Variants in PIGN observed in about 807,000 individuals in gnomAD.
The protein encoded by PIGN is phosphatidylinositol glycan anchor biosynthesis class N.
In PIGN, 117 loss-of-function variants were observed where a neutral mutation model predicts 125.4. That is an observed-to-expected ratio of 0.93 (90% CI 0.80 to 1.09). The LOEUF is 1.09. Ranked by LOEUF, PIGN falls within the 50% of genes least tolerant of loss-of-function variation. PIGN has a pLI of 0.00. For synonymous variants in PIGN, 392 were observed against 377.8 expected (o/e 1.04, Z -0.44); for missense variants, 1,075 against 1,094.9 (o/e 0.98, Z 0.26).
intron 23 of PIGN, among the ~76,000 whole-genome samples, chr18:62,026,023 G>A (rs1471943499): frequency 6.6e-6 from 1 of 152,112 alleles, no homozygotes; most frequent in African/African-American, 2.4e-5. Flanking sequence ...GCACCTTGTC[G>A]GAAGTTATTG....
In PIGN at chr18:62,158,077, T is replaced by C. The variant is rs545545197; in HGVS notation, c.222-269A>G. 127 of 303,426 alleles carry C rather than the reference T, an allele frequency of 4.2e-4. 1 individual carries two copies. In the South Asian group the frequency reaches 6.3e-3, roughly 15 times the overall value. The allele number at this position is 303,426 out of a possible 1,614,324, so 18.8% of individuals were successfully genotyped here. On this transcript the variant is annotated intron_variant, in intron 4 of 30. Coordinates refer to ENST00000640252, the MANE Select transcript of PIGN (RefSeq NM_176787.5). ...CATGAAACAAAATACATGATTGTTG[T>C]TTTAAGCCACAAAACAGAGATGGTT...
intron 25 of PIGN, among the ~76,000 whole-genome samples, chr18:62,086,055 T>C (rs994560517): frequency 2.0e-5 from 3 of 152,154 alleles, no homozygotes; most frequent in African/African-American, 7.2e-5. Flanking sequence ...CAACGAATCA[T>C]CTAAGCAACC....
intron 1 of PIGN, chr18:62,174,404 A>C (rs1407797177): frequency 6.6e-6 from 1 of 152,096 alleles, no homozygotes; most frequent in African/African-American, 2.4e-5. Flanking sequence ...CTGACCCATT[A>C]ATAGCTCCTT....
exon 24 of PIGN, chr18:62,017,715 C>T (rs2029998292): frequency 6.6e-6 from 1 of 151,842 alleles, no homozygotes; most frequent in Non-Finnish European, 1.5e-5. Flanking sequence ...CCAGGCAGTG[C>T]TTCTGCAGTC....
intron 21 of PIGN, 137 bp downstream of exon 21, chr18:62,102,657 A>G: frequency 2.0e-6 from 1 of 499,296 alleles, no homozygotes; most frequent in Non-Finnish European, 3.5e-6. Context: ...AGCATCTTAA[A>G]TGAAAGCTTT....
intron 14 of PIGN, among the ~76,000 whole-genome samples, chr18:62,130,924 T>C (rs1466817026): frequency 2.6e-5 from 4 of 152,188 alleles, no homozygotes; most frequent in African/African-American, 9.6e-5. Flanking sequence ...ACCAATGATA[T>C]AGAATCGTAT....
intron 14 of PIGN, 113 bp from the exon 15 acceptor site, chr18:62,114,752 A>G (rs1445801444): frequency 1.6e-5 from 8 of 502,814 alleles, no homozygotes; most frequent in African/African-American, 1.2e-4. Flanking sequence ...CAGCAAACAA[A>G]ACAAAAATCA....
At chr18:62,117,328 G>T (rs2035124429) in intron 14 of PIGN, among the ~76,000 whole-genome samples, 1 of 152,036 alleles carries the variant, frequency 6.6e-6, no homozygotes, top group Non-Finnish European at 1.5e-5. Flanking sequence ...AATATGTTCA[G>T]ATTTATGTAA....
intron 11 of PIGN, among the ~76,000 whole-genome samples, chr18:62,141,651 C>A (rs1377734695): frequency 2.0e-5 from 3 of 152,202 alleles, no homozygotes; most frequent in African/African-American, 4.8e-5. Flanking sequence ...AATCCACTGT[C>A]GGCCACCTCT....
intron 30 of PIGN, among the ~76,000 whole-genome samples, chr18:62,061,580 C>T (rs1168885181): frequency 6.6e-6 from 1 of 150,896 alleles, no homozygotes; most frequent in Non-Finnish European, 1.5e-5. Context: ...ATTCCATTCC[C>T]GTGAATAAAA....
chr18:62,135,526 C>T (rs147888433), intron 14 of PIGN: 2 of 151,498 alleles, frequency 1.3e-5, no homozygotes, highest in Admixed American at 6.6e-5. Flanking sequence ...TACCATGCCA[C>T]GTGGAAAAAG....
At chr18:62,062,546 G>T (rs979379142) in intron 30 of PIGN, among the ~76,000 whole-genome samples, 8 of 151,840 alleles carry the variant, frequency 5.3e-5, no homozygotes, top group Non-Finnish European at 7.4e-5. Flanking sequence ...TTGTATAGAT[G>T]GGGGTGTAAT....
intron 29 of PIGN, among the ~76,000 whole-genome samples, chr18:62,072,993 T>TA (rs971800871): frequency 7.9e-5 from 12 of 151,814 alleles, no homozygotes; most frequent in African/African-American, 9.7e-5. Flanking sequence ...CCAACATCAA[T>TA]AAAAAAAACT....
At chr18:62,084,495 A>G in intron 27 of PIGN, 36 bp downstream of exon 27, 1 of 1,278,742 alleles carries the variant, frequency 7.8e-7, no homozygotes, top group Non-Finnish European at 1.1e-6. Context: ...TAATCAATCA[A>G]TAGCTTAAGA....
At chr18:62,168,832 C>G (rs1250007964) in intron 1 of PIGN, among the ~76,000 whole-genome samples, 1 of 151,494 alleles carries the variant, frequency 6.6e-6, no homozygotes, top group East Asian at 1.9e-4. Flanking sequence ...CAACATTACC[C>G]CATTTCCTAG....
chr18:62,069,423 T>C (rs1403740622), intron 30 of PIGN: 2 of 152,128 alleles, frequency 1.3e-5, no homozygotes, highest in Non-Finnish European at 2.9e-5. Flanking sequence ...TAAACAAAGG[T>C]GGAAACAACT....
chr18:62,055,925 T>C (rs1472726032), intron 30 of PIGN, among the ~76,000 whole-genome samples: 3 of 151,228 alleles, frequency 2.0e-5, no homozygotes, highest in African/African-American at 7.3e-5. Context: ...TCAATATTTG[T>C]TAAATGAATT....
In PIGN at chr18:62,085,125, A is replaced by C. The variant is rs569864259; in HGVS notation, c.2426+84T>G. On this transcript the variant is annotated intron_variant, in intron 26 of 30. Transcript: ENST00000640252. ...TTGGTCTCAAAAAGAAAAAAAAATAATAAGGTACAGAACAAAAGGTATAGA... is the reference window on the plus strand; with the variant it reads ...TTGGTCTCAAAAAGAAAAAAAAATACTAAGGTACAGAACAAAAGGTATAGA... The C allele has an allele frequency of 9.0e-6, 7 of 779,840 alleles. No individual in the cohort carries two copies. The South Asian group carries it at 1.0e-4, about 11-fold the overall frequency. The allele number at this position is 779,840 out of a possible 1,614,324, so 48.3% of individuals were successfully genotyped here. A position where few individuals can be genotyped will look rare whatever the true frequency, so the allele number is the denominator to read the frequency against.
chr18:62,057,521 GCTTAC>G (rs1455470244), intron 30 of PIGN, among the ~76,000 whole-genome samples: 1 of 152,112 alleles, frequency 6.6e-6, no homozygotes, highest in Non-Finnish European at 1.5e-5. Flanking sequence ...ATCATCTCTA[GCTTAC>G]GATACCACGA....
Sources: allele counts gnomAD v4.1 joint callset (sites outside exome capture counted in the v4.1 genomes callset), GRCh38; gene constraint gnomAD v4.1.1; transcripts MANE v1.5; gene names NCBI Gene and HGNC (gene_info 2026-07-23, HGNC 2026-07-21).